NCAM1: variants seen among roughly 807,000 people sequenced by gnomAD.
The protein encoded by NCAM1 is neural cell adhesion molecule 1.
NCAM1 carries 14 observed loss-of-function variants against 109.8 expected under a neutral mutation model. That is an observed-to-expected ratio of 0.13 (90% CI 0.08 to 0.20). The LOEUF is 0.20. Among genes scored for constraint, NCAM1 ranks in the 10% least tolerant of loss-of-function variants. NCAM1 has a pLI of 1.00. For missense variants in NCAM1, 774 were observed against 1,109.9 expected, an observed-to-expected ratio of 0.70 and a Z score of 4.30; for synonymous variants, 418 against 442.9, an observed-to-expected ratio of 0.94 and a Z score of 0.70.
rs1389291621 is a variant in NCAM1 at position 113,233,401 on chromosome 11, C to G, written c.1693+84C>G. On this transcript the variant is annotated intron_variant, in intron 13 of 19. Coordinates refer to ENST00000316851, the MANE Select transcript of NCAM1 (RefSeq NM_181351.5). This position sits in a 1 kb window ranked among gnomAD's most constrained non-coding sequence, Gnocchi z 4.5. ...CCCCACCTGCCATCCTGGGCATGTT[C>G]CTACAGAATCAGGAACTGCACCTCC... The G allele has an allele frequency of 5.5e-5, 78 of 1,408,170 alleles. No individual in the cohort carries two copies. Among genetic ancestry groups the G allele is most frequent in the Non-Finnish European group, 7.3e-5 (75 of 1,033,786 alleles). 87.2% of individuals were successfully genotyped at this position (1,408,170 alleles called of 1,614,324 possible). A position where few individuals can be genotyped will look rare whatever the true frequency, so the allele number is the denominator to read the frequency against.
intron 14 of NCAM1, among the ~76,000 whole-genome samples, chr11:113,237,893 TATAG>T (rs1471128806): frequency 1.8e-5 from 1 of 56,528 alleles, no homozygotes. Context: ...GATATATAGA[TATAG>T]ATATATAGAT....
At chr11:113,147,819 A>C (rs1312589338) in intron 1 of NCAM1, among the ~76,000 whole-genome samples, 1 of 152,202 alleles carries the variant, frequency 6.6e-6, no homozygotes, top group East Asian at 1.9e-4. Context: ...ACAGTTTCAT[A>C]TAGTCAGACA....
At chr11:113,035,564 G>A (rs1952848997) in intron 1 of NCAM1, among the ~76,000 whole-genome samples, 1 of 152,088 alleles carries the variant, frequency 6.6e-6, no homozygotes, top group Non-Finnish European at 1.5e-5. Context: ...GCCCGCCACT[G>A]AAATATTTTT....
chr11:112,973,679 A>G (rs1412792360), intron 1 of NCAM1, among the ~76,000 whole-genome samples: 2 of 152,160 alleles, frequency 1.3e-5, no homozygotes, highest in Non-Finnish European at 1.5e-5. Context: ...GGTAGTTTAT[A>G]CAACTGTCTG....
chr11:113,030,303 G>C (rs1952676174), intron 1 of NCAM1, among the ~76,000 whole-genome samples: 1 of 152,160 alleles, frequency 6.6e-6, no homozygotes, highest in Admixed American at 6.5e-5. Context: ...ATTTGACTTA[G>C]TTCCTCTCTT....
intron 1 of NCAM1, among the ~76,000 whole-genome samples, chr11:113,134,395 C>T (rs1009886196): frequency 1.2e-4 from 19 of 152,124 alleles, no homozygotes; most frequent in Non-Finnish European, 2.8e-4. Context: ...CACTGATGGA[C>T]ATCTGGGCTG....
intron 1 of NCAM1, among the ~76,000 whole-genome samples, chr11:113,098,268 A>G (rs1199557397): frequency 6.6e-6 from 1 of 152,140 alleles, no homozygotes; most frequent in Non-Finnish European, 1.5e-5. Flanking sequence ...TTCTAGGATT[A>G]CGCCCCTTAT....
chr11:113,105,716 A>G (rs1394947146), intron 1 of NCAM1, among the ~76,000 whole-genome samples: 1 of 152,216 alleles, frequency 6.6e-6, no homozygotes, highest in Admixed American at 6.5e-5. Flanking sequence ...ATAATAGGCT[A>G]CTCTACAGAC....
chr11:113,133,639 G>C (rs567067883), intron 1 of NCAM1: 1 of 152,110 alleles, frequency 6.6e-6, no homozygotes, highest in Admixed American at 6.6e-5. Context: ...TGTTGAATAA[G>C]ACTCAGGTTT....
intron 1 of NCAM1, among the ~76,000 whole-genome samples, chr11:113,131,215 T>C (rs1941368689): frequency 6.6e-6 from 1 of 152,206 alleles, no homozygotes; most frequent in Admixed American, 6.5e-5. Flanking sequence ...TTTGTCTTTT[T>C]TCGAGGTAGG....
In NCAM1 at chr11:113,273,745, C is replaced by G. The variant is rs1234278051; in HGVS notation, c.2457-1522C>G. 1 of 436,796 alleles carries G rather than the reference C, an allele frequency of 2.3e-6. No individual in the cohort carries two copies. Among genetic ancestry groups the G allele is most frequent in the African/African-American group, 2.0e-5 (1 of 49,340 alleles). 27.1% of individuals were successfully genotyped at this position (436,796 alleles called of 1,614,324 possible). On this transcript the variant is annotated intron_variant, in intron 19 of 19. Transcript: ENST00000316851. The surrounding 1 kb of genome is among the most constrained non-coding windows in gnomAD (Gnocchi z 6.0). ...TCTGTTTCGCCTGCGCCAGCAAAGA[C>G]CGAGTACGGCCTCTCTTTGTCTGCT...
intron 1 of NCAM1, among the ~76,000 whole-genome samples, chr11:112,964,753 A>G (rs1950685836): frequency 1.3e-5 from 2 of 152,226 alleles, no homozygotes; most frequent in Non-Finnish European, 2.9e-5. Flanking sequence ...ACCTTTCACA[A>G]CTCTAACCAA....
In NCAM1 at chr11:113,207,284, C is replaced by G. The variant is rs1555113010; in HGVS notation, c.652C>G (p.Gln218Glu). 1.2e-6 allele frequency: 2 copies of G among 1,613,972 alleles called. No individual in the cohort carries two copies. The highest frequency in any genetic ancestry group is 2.2e-5 in the East Asian group (1 of 44,868). ...AGTGCCACCTACCATCCAGGCCAGG[C>G]AGAATATTGTGAATGCCACCGCCAA... is the stretch of plus-strand genomic sequence containing the variant. ...VNVPPTIQAR[Q>E]NIVNATANLG... The change falls in exon 6 of 20, where the codon CAG (glutamine) becomes GAG (glutamate). Residue 218 changes from glutamine to glutamate, a missense_variant. Around this residue, in one of 4 missense-constraint regions of NCAM1, gnomAD observed 523 missense variants for 784.2 expected, o/e 0.67. Coordinates refer to ENST00000316851, the MANE Select transcript of NCAM1 (RefSeq NM_181351.5).
chr11:112,997,701 C>T lies in NCAM1; in HGVS notation c.52+36037C>T, dbSNP rs1269795128. On this transcript the variant is annotated intron_variant, in intron 1 of 19. Coordinates refer to ENST00000316851, the MANE Select transcript of NCAM1 (RefSeq NM_181351.5). ...TGAATGCATCAGAGGGACTTAAGAC[C>T]TAAAGAAATTATTTAGGGCTGCTGC... is the stretch of plus-strand genomic sequence containing the variant. Among the ~76,000 whole-genome samples the T allele has an allele frequency of 2.6e-5, 4 of 152,058 alleles. No homozygotes were observed. In the East Asian group the frequency reaches 7.7e-4, roughly 29 times the overall value.
chr11:112,987,238 C>T (rs1951331741), intron 1 of NCAM1, among the ~76,000 whole-genome samples: 1 of 152,174 alleles, frequency 6.6e-6, no homozygotes, highest in Admixed American at 6.5e-5. Context: ...TGGTTTCATG[C>T]CATCATGGTT....
intron 1 of NCAM1, among the ~76,000 whole-genome samples, chr11:113,068,920 G>A (rs1317283757): frequency 6.6e-6 from 1 of 152,178 alleles, no homozygotes; most frequent in African/African-American, 2.4e-5. Context: ...GAGAGAAGGG[G>A]TATCTGGCTA....
chr11:113,224,468 A>C (rs1454720862), intron 9 of NCAM1, among the ~76,000 whole-genome samples: 1 of 152,244 alleles, frequency 6.6e-6, no homozygotes, highest in Non-Finnish European at 1.5e-5. Context: ...CCACAGCTCA[A>C]GGAGGCCTGC....
At chr11:113,200,155 A>G (rs1944006299) in intron 1 of NCAM1, among the ~76,000 whole-genome samples, 1 of 152,196 alleles carries the variant, frequency 6.6e-6, no homozygotes, top group Non-Finnish European at 1.5e-5. Context: ...TGGTCCAGCA[A>G]ACTTTCTTGG....
At chr11:113,012,234 G>A (rs564682910) in intron 1 of NCAM1, among the ~76,000 whole-genome samples, 50 of 152,194 alleles carry the variant, frequency 3.3e-4, no homozygotes, top group African/African-American at 1.1e-3. Flanking sequence ...GGCCAGGCTG[G>A]TCTTGAACTC....
Sources: allele counts gnomAD v4.1 joint callset (sites outside exome capture counted in the v4.1 genomes callset), GRCh38; gene constraint gnomAD v4.1.1; regional missense constraint gnomAD v4.1.1; non-coding constraint Gnocchi (gnomAD v3.1); transcripts MANE v1.5; gene names NCBI Gene and HGNC (gene_info 2026-07-23, HGNC 2026-07-21).